Variants in ELOVL7 observed in about 807,000 individuals in gnomAD.
ELOVL7 encodes the protein ELOVL fatty acid elongase 7.
Under a neutral mutation model 35.7 loss-of-function variants are expected in ELOVL7, and 27 were observed. The ratio of observed to expected loss-of-function variants is 0.76; its 90% CI spans 0.56 to 1.04. ELOVL7 has a LOEUF of 1.04. ELOVL7 is among the 50% of genes least tolerant of loss of function. The probability of loss-of-function intolerance (pLI) is 0.00; values close to 1 mark genes in which losing one functional copy is unlikely to be tolerated. For missense variants in ELOVL7, 327 were observed against 340.8 expected (o/e 0.96, Z 0.32); for synonymous variants, 113 against 114.6 (o/e 0.99, Z 0.09).
chr5:60,762,331 A>G (rs1741978089), intron 7 of ELOVL7, among the ~76,000 whole-genome samples: 1 of 150,938 alleles, frequency 6.6e-6, no homozygotes, highest in Admixed American at 6.6e-5. Context: ...AAATTGAAGT[A>G]TATCATATTT....
intron 3 of ELOVL7, among the ~76,000 whole-genome samples, chr5:60,785,382 G>C (rs966089986): frequency 6.6e-6 from 1 of 152,124 alleles, no homozygotes; most frequent in Non-Finnish European, 1.5e-5. Flanking sequence ...TTCATATTAA[G>C]GCATTTTTAA....
At chr5:60,837,696 C>A (rs1746910262) in intron 1 of ELOVL7, among the ~76,000 whole-genome samples, 2 of 152,098 alleles carry the variant, frequency 1.3e-5, no homozygotes, top group African/African-American at 4.8e-5. Context: ...AATCCCAGCA[C>A]TTTAGGAGGC....
At chr5:60,829,577 CCTG>C in intron 1 of ELOVL7, among the ~76,000 whole-genome samples, 1 of 152,076 alleles carries the variant, frequency 6.6e-6, no homozygotes, top group South Asian at 2.1e-4. Flanking sequence ...TATAAATCTA[CCTG>C]TTTGTGACAG....
chr5:60,786,068 GGTGA>G (rs1289851179), intron 3 of ELOVL7: 1 of 152,130 alleles, frequency 6.6e-6, no homozygotes, highest in Non-Finnish European at 1.5e-5. Flanking sequence ...TAGTGATGGT[GGTGA>G]GTATGTATAG....
At chr5:60,792,180 C>G (rs1743980563) in intron 2 of ELOVL7, among the ~76,000 whole-genome samples, 1 of 152,056 alleles carries the variant, frequency 6.6e-6, no homozygotes, top group African/African-American at 2.4e-5. Flanking sequence ...TGAAAAAGAT[C>G]CAGTAACCAT....
chr5:60,803,307 G>T (rs1237147276), intron 1 of ELOVL7, among the ~76,000 whole-genome samples: 1 of 152,170 alleles, frequency 6.6e-6, no homozygotes, highest in East Asian at 1.9e-4. Context: ...AGCTCACATG[G>T]AAGAAGGAAG....
intron 1 of ELOVL7, among the ~76,000 whole-genome samples, chr5:60,805,759 A>C (rs893737276): frequency 6.6e-6 from 1 of 152,230 alleles, no homozygotes; most frequent in Non-Finnish European, 1.5e-5. Flanking sequence ...TATCCTCAAA[A>C]GAATCTCTCA....
chr5:60,777,241 T>A (rs1442983560), intron 3 of ELOVL7, among the ~76,000 whole-genome samples: 1 of 152,034 alleles, frequency 6.6e-6, no homozygotes, highest in Non-Finnish European at 1.5e-5. Flanking sequence ...TATAATTGGA[T>A]TATTTGTAAC....
intron 1 of ELOVL7, among the ~76,000 whole-genome samples, chr5:60,800,845 T>C (rs1744565647): frequency 6.6e-6 from 1 of 152,226 alleles, no homozygotes; most frequent in Non-Finnish European, 1.5e-5. Context: ...TTCAATCCAC[T>C]GTTGGTGGAT....
At chr5:60,784,086 C>A (rs1561439571) in intron 3 of ELOVL7, 1 of 1,230,420 alleles carries the variant, frequency 8.1e-7, no homozygotes, top group Non-Finnish European at 1.2e-6. Flanking sequence ...AAGTAGAATG[C>A]CACATACATA....
At chr5:60,760,278 C>A (rs936179543) in intron 7 of ELOVL7, among the ~76,000 whole-genome samples, 10 of 152,204 alleles carry the variant, frequency 6.6e-5, no homozygotes, top group African/African-American at 1.7e-4. Context: ...GTTCCTATTT[C>A]TTCGCATCCT....
chr5:60,840,365 A>G (rs1747092835), intron 1 of ELOVL7, among the ~76,000 whole-genome samples: 2 of 152,220 alleles, frequency 1.3e-5, no homozygotes, highest in South Asian at 2.1e-4. Flanking sequence ...GGGAAAATGC[A>G]TATGAAGACA....
At chr5:60,812,085 T>C (rs958248651) in intron 1 of ELOVL7, among the ~76,000 whole-genome samples, 2 of 152,200 alleles carry the variant, frequency 1.3e-5, no homozygotes, top group African/African-American at 4.8e-5. Context: ...CTGGGCATGA[T>C]GGCACACACC....
chr5:60,786,596 T>C (rs1467228689), intron 3 of ELOVL7, among the ~76,000 whole-genome samples: 6 of 152,134 alleles, frequency 3.9e-5, no homozygotes, highest in African/African-American at 1.4e-4. Context: ...TTCCCTGGTT[T>C]TCCTGTTCCC....
chr5:60,771,908 AAC>A lies in ELOVL7; in HGVS notation c.248_249del (p.Cys83LeufsTer2). 2 of 1,597,822 alleles carry A rather than the reference AAC, an allele frequency of 1.3e-6. No homozygotes were observed. Among genetic ancestry groups the A allele is most frequent in the Non-Finnish European group, 1.7e-6 (2 of 1,171,138 alleles). On this transcript the variant is annotated frameshift_variant, in exon 4 of 9. Transcript: ENST00000508821. LOFTEE classifies it high-confidence loss of function. ...GGAATACTGAAGACACTTGCCTCAT[AAC>A]ACATATACACAGAAAAGAGTACTAT... Reference protein sequence around the residue: ...FFIVLFSVYMCYEFVMSGWGI... With the variant: ...FFIVLFSVYMXYEFVMSGWGI...
At position 60,787,464 on chromosome 5, in the gene ELOVL7, A is replaced by G; in HGVS notation, c.-34-33T>C. On this transcript the variant is annotated intron_variant, in intron 2 of 8. Transcript: ENST00000508821. ...AAAATAAAACAGAAATGAGTTTATA[A>G]TCTATAAATGCAAATAAAGTCAAGC... 5.7e-6 allele frequency: 7 copies of G among 1,227,790 alleles called. No homozygotes were observed. The South Asian group carries it at 7.0e-5, about 12-fold the overall frequency. 76.1% of individuals were successfully genotyped at this position (1,227,790 alleles called of 1,614,324 possible).
chr5:60,808,829 T>C (rs924396264), intron 1 of ELOVL7, among the ~76,000 whole-genome samples: 2 of 152,222 alleles, frequency 1.3e-5, no homozygotes, highest in African/African-American at 2.4e-5. Flanking sequence ...TGGATGAATC[T>C]GAACTGTATT....
intron 1 of ELOVL7, among the ~76,000 whole-genome samples, chr5:60,825,914 A>C (rs1311443942): frequency 6.6e-6 from 1 of 152,268 alleles, no homozygotes; most frequent in Non-Finnish European, 1.5e-5. Flanking sequence ...CCTTGAGACA[A>C]GCAAGAATTG....
chr5:60,766,263 C>G (rs1262118050), intron 6 of ELOVL7, among the ~76,000 whole-genome samples: 1 of 152,168 alleles, frequency 6.6e-6, no homozygotes, highest in Non-Finnish European at 1.5e-5. Context: ...TGTCATCCAT[C>G]TATATAAAGA....
Sources: gnomAD v4.1 joint callset for allele counts (sites outside exome capture counted in the v4.1 genomes callset) on GRCh38, gnomAD v4.1.1 for gene constraint, MANE v1.5 for transcripts, NCBI Gene and HGNC (gene_info 2026-07-23, HGNC 2026-07-21) for gene names.